Variants in PPCDC observed in about 807,000 individuals in gnomAD.
The protein encoded by PPCDC is phosphopantothenoylcysteine decarboxylase.
Under a neutral mutation model 20.7 loss-of-function variants are expected in PPCDC, and 20 were observed. The observed-to-expected ratio is 0.97, with a 90% CI of 0.68 to 1.41. The LOEUF (loss-of-function observed/expected upper bound fraction) is 1.41, where lower values mean the gene tolerates loss of function less well. Among genes scored for constraint, PPCDC ranks in the 40% most tolerant of loss-of-function variants. PPCDC has a pLI of 0.00. For missense variants in PPCDC, 246 were observed against 263.8 expected, an observed-to-expected ratio of 0.93 and a Z score of 0.47; for synonymous variants, 88 against 100.3, an observed-to-expected ratio of 0.88 and a Z score of 0.73.
At chr15:75,035,749 C>T (rs1258284516) in intron 2 of PPCDC, among the ~76,000 whole-genome samples, 1 of 152,030 alleles carries the variant, frequency 6.6e-6, no homozygotes, top group Non-Finnish European at 1.5e-5. Context: ...GGCAGATCAC[C>T]TGAGGCCAGG....
intron 2 of PPCDC, 78 bp from the exon 3 acceptor site, chr15:75,043,363 C>T (rs2066178153): frequency 1.5e-6 from 2 of 1,296,922 alleles, no homozygotes; most frequent in South Asian, 2.7e-5. Flanking sequence ...TGCCCTGACC[C>T]TCCTGTGGCC....
intron 2 of PPCDC, among the ~76,000 whole-genome samples, chr15:75,042,717 A>G: frequency 6.6e-6 from 1 of 151,354 alleles, no homozygotes; most frequent in Non-Finnish European, 1.5e-5. Context: ...TGCCCTTCAC[A>G]CTCCTGGGTG....
intron 4 of PPCDC, 57 bp downstream of exon 4, chr15:75,044,571 G>A (rs1444473078): frequency 6.3e-7 from 1 of 1,582,372 alleles, no homozygotes; most frequent in African/African-American, 1.3e-5. Flanking sequence ...AGTTTGCTGA[G>A]CTGCAGACAT....
intron 2 of PPCDC, among the ~76,000 whole-genome samples, chr15:75,037,315 T>TC (rs1213477432): frequency 6.6e-6 from 1 of 152,114 alleles, no homozygotes; most frequent in Non-Finnish European, 1.5e-5. Context: ...AAGAATGTGG[T>TC]CCAGAGCCCC....
chr15:75,039,045 A>G (rs1387454867), intron 2 of PPCDC, among the ~76,000 whole-genome samples: 23 of 150,652 alleles, frequency 1.5e-4, no homozygotes, highest in Admixed American at 1.5e-3. Flanking sequence ...TTCTCCCTCT[A>G]TTGTCTCTGG....
intron 1 of PPCDC, among the ~76,000 whole-genome samples, chr15:75,023,969 T>C (rs2065933920): frequency 6.6e-6 from 1 of 152,186 alleles, no homozygotes; most frequent in Non-Finnish European, 1.5e-5. Context: ...CCGTGTCAGC[T>C]CCTCACACTG....
Position 75,044,386 on chromosome 15 carries a change from A to T in PPCDC, c.232A>T (p.Ile78Leu), listed in dbSNP as rs1299245952. 1.9e-6 allele frequency: 3 copies of T among 1,613,566 alleles called. No individual in the cohort carries two copies. In the Admixed American group the frequency reaches 5.0e-5, roughly 27 times the overall value. Residue 78 changes from isoleucine (I) to leucine (L), a missense_variant and splice_region_variant, in exon 4 of 6, where the codon ATA (isoleucine) becomes TTA (leucine). Ile to Leu is a conservative substitution (Grantham distance 5, BLOSUM62 2). Coordinates refer to ENST00000342932, the MANE Select transcript of PPCDC (RefSeq NM_021823.5). ...TLYSDADEWE[I>L]WKSRSDPVLH... is the part of the protein sequence containing the mutation. ...GACCCCTTTTTCTTCCCTCTGCCAG[A>T]TATGGAAGAGCCGCTCTGACCCAGT...
intron 3 of PPCDC, chr15:75,043,800 G>A (rs1322585045): frequency 4.5e-6 from 2 of 446,008 alleles, no homozygotes; most frequent in African/African-American, 4.0e-5. Context: ...CTGGGCTGAT[G>A]AAACCACAGA....
At chr15:75,047,789 C>T (rs554311067) in intron 4 of PPCDC, among the ~76,000 whole-genome samples, 27 of 152,386 alleles carry the variant, frequency 1.8e-4, no homozygotes, top group Admixed American at 1.5e-3. Context: ...AATACACACA[C>T]AGCTAGTGCT....
chr15:75,041,251 C>T (rs1402619606), intron 2 of PPCDC, among the ~76,000 whole-genome samples: 6 of 152,204 alleles, frequency 3.9e-5, no homozygotes, highest in Non-Finnish European at 8.8e-5. Flanking sequence ...TGCAGCCCTG[C>T]TCATTTGCCA....
intron 2 of PPCDC, among the ~76,000 whole-genome samples, chr15:75,030,968 AGAG>A (rs1194892459): frequency 6.6e-6 from 1 of 152,162 alleles, no homozygotes; most frequent in Non-Finnish European, 1.5e-5. Flanking sequence ...GCAGTCAGGG[AGAG>A]TAGTCACTAG....
chr15:75,048,864 G>T (rs776062954), intron 5 of PPCDC, 143 bp downstream of exon 5: 2 of 1,193,508 alleles, frequency 1.7e-6, no homozygotes, highest in East Asian at 2.6e-5. Context: ...AATGGGAATC[G>T]TAATTCCTGC....
chr15:75,045,390 G>A (rs1007436757), intron 4 of PPCDC, among the ~76,000 whole-genome samples: 2 of 152,214 alleles, frequency 1.3e-5, no homozygotes, highest in Non-Finnish European at 2.9e-5. Context: ...ACCCCAGTCA[G>A]TCCTTTCTAT....
chr15:75,042,545 C>T (rs1017259728), intron 2 of PPCDC, among the ~76,000 whole-genome samples: 35 of 149,826 alleles, frequency 2.3e-4, no homozygotes, highest in Admixed American at 1.5e-3. Context: ...CCCAGCTACT[C>T]GGGAGGCTGA....
At chr15:75,040,786 G>A (rs1319595588) in intron 2 of PPCDC, among the ~76,000 whole-genome samples, 2 of 151,996 alleles carry the variant, frequency 1.3e-5, no homozygotes, top group Non-Finnish European at 2.9e-5. Flanking sequence ...TCAGCTTCCC[G>A]AATATAGCTG....
At chr15:75,048,777 GTCATATCTCA>G (rs2066275080) in intron 5 of PPCDC, 56 bp downstream of exon 5, 5 of 1,574,878 alleles carry the variant, frequency 3.2e-6, no homozygotes, top group Admixed American at 1.8e-5. Context: ...CAGCTTTGGG[GTCATATCTCA>G]GTTCAGTTCC....
chr15:75,044,755 C>G (rs552860162), intron 4 of PPCDC: 1 of 478,794 alleles, frequency 2.1e-6, no homozygotes, highest in South Asian at 2.2e-5. Context: ...TCCCCCTCTC[C>G]CCTGCCCTTG....
chr15:75,040,610 G>A (rs989343423), intron 2 of PPCDC, among the ~76,000 whole-genome samples: 2 of 151,900 alleles, frequency 1.3e-5, no homozygotes, highest in Non-Finnish European at 2.9e-5. Context: ...TATTATATTA[G>A]GATTTACCTA....
rs1192458025 is a variant in PPCDC, at chr15:75,049,783, G to C, written c.*548G>C. The C allele has an allele frequency of 6.5e-6, 1 of 153,470 alleles. No individual in the cohort carries two copies. Among genetic ancestry groups the C allele is most frequent in the Non-Finnish European group, 1.4e-5 (1 of 68,984 alleles). The allele number at this position is 153,470 out of a possible 1,614,324, so 9.5% of individuals were successfully genotyped here. ...TCCCTACAACCCAGCTGTGGTCCCA[G>C]AGATCAGGGGGTGTTGCCAGGTGTG... On this transcript the variant is annotated 3_prime_UTR_variant, in exon 6 of 6. Coordinates refer to ENST00000342932, the MANE Select transcript of PPCDC (RefSeq NM_021823.5).
Sources: gnomAD v4.1 joint callset for allele counts (sites outside exome capture counted in the v4.1 genomes callset) on GRCh38, gnomAD v4.1.1 for gene constraint, MANE v1.5 for transcripts, NCBI Gene and HGNC (gene_info 2026-07-23, HGNC 2026-07-21) for gene names.